Variants in ZMAT4 observed in about 807,000 individuals in gnomAD.
The protein encoded by ZMAT4 is zinc finger matrin-type 4.
Under a neutral mutation model 28.7 loss-of-function variants are expected in ZMAT4, and 17 were observed. The observed-to-expected ratio is 0.59, with a 90% CI of 0.41 to 0.89. ZMAT4 has a LOEUF of 0.89. Among genes scored for constraint, ZMAT4 ranks in the 40% least tolerant of loss-of-function variants. ZMAT4 has a pLI of 0.00. For synonymous variants in ZMAT4, 117 were observed against 109.2 expected (o/e 1.07, Z -0.44); for missense variants, 240 against 283.8 (o/e 0.85, Z 1.11).
intron 1 of ZMAT4, among the ~76,000 whole-genome samples, chr8:40,885,493 G>T (rs1480923144): frequency 6.6e-6 from 1 of 152,156 alleles, no homozygotes; most frequent in African/African-American, 2.4e-5. Context: ...AGCAACCAGA[G>T]TAACCTATTT....
intron 3 of ZMAT4, among the ~76,000 whole-genome samples, chr8:40,708,482 G>A (rs1268026761): frequency 1.3e-5 from 2 of 152,034 alleles, no homozygotes; most frequent in Non-Finnish European, 2.9e-5. Context: ...AGACAAATGT[G>A]GGGGAGAGTG....
chr8:40,581,180 G>A lies in ZMAT4; in HGVS notation c.659C>T (p.Ser220Phe). 3 of 1,613,210 alleles carry A rather than the reference G, an allele frequency of 1.9e-6. No homozygotes were observed. The highest frequency in any genetic ancestry group is 2.5e-6 in the Non-Finnish European group (3 of 1,179,384). The part of the protein sequence containing the change: ...IEQYHAHLKG[S>F]KHQTNLKNK Reference sequence around the variant, plus strand: ...AAGTACCTACTTGGTCTGGTGTTTAGATCCTTTCAGATGGGCATGATACTG... The same window carrying A: ...AAGTACCTACTTGGTCTGGTGTTTAAATCCTTTCAGATGGGCATGATACTG... Residue 220 changes from serine (S) to phenylalanine (F), a missense_variant, in exon 6 of 7, where the codon TCT becomes TTT. By Grantham distance (155) the Ser-to-Phe change is radical (BLOSUM62 -2). Coordinates refer to ENST00000297737, the MANE Select transcript of ZMAT4 (RefSeq NM_024645.3).
chr8:40,799,919 A>G (rs533059316), intron 2 of ZMAT4, among the ~76,000 whole-genome samples: 4 of 152,370 alleles, frequency 2.6e-5, no homozygotes, highest in African/African-American at 9.6e-5. Flanking sequence ...GGCAATAAAA[A>G]GAGTAAAAAA....
intron 5 of ZMAT4, among the ~76,000 whole-genome samples, chr8:40,622,986 T>C (rs1162153743): frequency 1.3e-5 from 2 of 152,130 alleles, no homozygotes; most frequent in African/African-American, 2.4e-5. Flanking sequence ...AAAGGTTAGA[T>C]AGTAGTTACA....
chr8:40,677,778 T>G lies in ZMAT4; in HGVS notation c.350-2847A>C, dbSNP rs533072609. Among the ~76,000 whole-genome samples, 12 of 152,308 alleles carry G rather than the reference T, an allele frequency of 7.9e-5. No individual in the cohort carries two copies. The South Asian group carries it at 2.5e-3, about 32-fold the overall frequency. The stretch of plus-strand genomic sequence containing the variant: ...TATCTTTTGGTTTAAAAACATGCTT[T>G]AAAAAACACTTTAGTTGACATGTAG... On this transcript the variant is annotated intron_variant, in intron 4 of 6. Coordinates refer to ENST00000297737, the MANE Select transcript of ZMAT4 (RefSeq NM_024645.3).
rs540383885 is a variant in ZMAT4 at position 40,664,990 on chromosome 8, A to G, written c.577+9714T>C. On this transcript the variant is annotated intron_variant, in intron 5 of 6. Transcript: ENST00000297737. ...GGCCATGCCAAGGTTAAGTGGAAGA[A>G]AATATGAAGCAGTTAATCCTCTGTC... 1.3e-5 allele frequency among the ~76,000 whole-genome samples: 2 copies of G among 152,286 alleles called. 1 individual carries two copies. The highest frequency in any genetic ancestry group is 4.1e-4 in the South Asian group (2 of 4,830).
chr8:40,721,064 G>A (rs904919820), intron 3 of ZMAT4, among the ~76,000 whole-genome samples: 3 of 149,042 alleles, frequency 2.0e-5, no homozygotes, highest in African/African-American at 7.5e-5. Context: ...TGCCATGCTG[G>A]TGCACTGCAC....
intron 3 of ZMAT4, among the ~76,000 whole-genome samples, chr8:40,764,195 T>C (rs540210544): frequency 2.8e-4 from 43 of 152,288 alleles, no homozygotes; most frequent in African/African-American, 1.0e-3. Flanking sequence ...TCTAAGGCAA[T>C]TGACCATAAC....
chr8:40,749,393 TTGAC>T (rs1298393669), intron 3 of ZMAT4, among the ~76,000 whole-genome samples: 2 of 152,188 alleles, frequency 1.3e-5, no homozygotes, highest in African/African-American at 2.4e-5. Context: ...ATTAAGGAAA[TTGAC>T]TGAGGTCATT....
chr8:40,698,497 G>A (rs756844647), intron 3 of ZMAT4, among the ~76,000 whole-genome samples: 1 of 152,160 alleles, frequency 6.6e-6, no homozygotes, highest in African/African-American at 2.4e-5. Context: ...TTGTTAAAGA[G>A]CAAGCTGGAA....
At chr8:40,850,079 G>A (rs894025226) in intron 1 of ZMAT4, among the ~76,000 whole-genome samples, 1 of 152,040 alleles carries the variant, frequency 6.6e-6, no homozygotes, top group East Asian at 1.9e-4. Context: ...CCGTCCTCAG[G>A]CAGCACACCC....
chr8:40,891,212 G>GGAGAA (rs1250603374), intron 1 of ZMAT4, among the ~76,000 whole-genome samples: 19 of 122,920 alleles, frequency 1.5e-4, no homozygotes, highest in Admixed American at 4.1e-4. Flanking sequence ...GGAGAGGAGA[G>GGAGAA]GAGAGGAGAG....
chr8:40,565,224 C>A (rs1803877764), intron 6 of ZMAT4, among the ~76,000 whole-genome samples: 1 of 152,038 alleles, frequency 6.6e-6, no homozygotes, highest in Non-Finnish European at 1.5e-5. Context: ...AATTCAAATC[C>A]TCATATATAA....
At chr8:40,823,278 G>A (rs967608206) in intron 2 of ZMAT4, among the ~76,000 whole-genome samples, 2 of 152,030 alleles carry the variant, frequency 1.3e-5, no homozygotes, top group East Asian at 3.9e-4. Flanking sequence ...GTCTAATAAA[G>A]GAAGAACATA....
At chr8:40,768,579 A>G (rs1186010931) in intron 2 of ZMAT4, among the ~76,000 whole-genome samples, 2 of 152,206 alleles carry the variant, frequency 1.3e-5, no homozygotes, top group Admixed American at 6.5e-5. Context: ...TCTGGGTTCC[A>G]GCTCTACCAC....
chr8:40,846,977 C>T lies in ZMAT4; in HGVS notation c.-4-21297G>A, dbSNP rs149150503. Among the ~76,000 whole-genome samples the T allele has an allele frequency of 8.6e-3, 1,305 of 152,146 alleles. 22 individuals carry two copies. Among genetic ancestry groups the T allele is most frequent in the African/African-American group, 0.03 (1,236 of 41,500 alleles). On this transcript the variant is annotated intron_variant, in intron 1 of 6. Coordinates refer to ENST00000297737, the MANE Select transcript of ZMAT4 (RefSeq NM_024645.3). ...ATCCTAGCACTTTGGGAGGCCAAGG[C>T]GGGCAGATCATTTGAGGTCAGGAGT...
At chr8:40,895,867 C>A (rs899266661) in intron 1 of ZMAT4, among the ~76,000 whole-genome samples, 2 of 152,238 alleles carry the variant, frequency 1.3e-5, no homozygotes, top group African/African-American at 4.8e-5. Flanking sequence ...CCCTCCTGGG[C>A]TCCCTGGGGG....
intron 3 of ZMAT4, among the ~76,000 whole-genome samples, chr8:40,764,138 C>G (rs1486505392): frequency 6.6e-6 from 1 of 152,178 alleles, no homozygotes; most frequent in Non-Finnish European, 1.5e-5. Flanking sequence ...TGCGTGAACA[C>G]TGAAGTCCTT....
At chr8:40,539,420 A>G (rs1471511493) in intron 6 of ZMAT4, among the ~76,000 whole-genome samples, 1 of 152,216 alleles carries the variant, frequency 6.6e-6, no homozygotes, top group Non-Finnish European at 1.5e-5. Flanking sequence ...AGGTGTTGAA[A>G]GCATCTATAT....
Sources: allele counts gnomAD v4.1 joint callset (sites outside exome capture counted in the v4.1 genomes callset), GRCh38; gene constraint gnomAD v4.1.1; transcripts MANE v1.5; gene names NCBI Gene and HGNC (gene_info 2026-07-23, HGNC 2026-07-21).